The following GPSM2 variants were observed in gnomAD, a reference collection of about 807,000 sequenced individuals.
The protein encoded by GPSM2 is G protein-signaling modulator 2.
Under a neutral mutation model 78.4 loss-of-function variants are expected in GPSM2, and 58 were observed. That is an observed-to-expected ratio of 0.74 (90% CI 0.60 to 0.92). The LOEUF is 0.92. GPSM2 is among the 40% of genes least tolerant of loss of function. The pLI is 0.00. For missense variants in GPSM2, 700 were observed against 815.5 expected (o/e 0.86, Z 1.73); for synonymous variants, 224 against 280.2 (o/e 0.80, Z 2.00).
chr1:108,931,647 C>G lies in GPSM2; in HGVS notation c.*1707C>G, dbSNP rs1009561960. The G allele has an allele frequency of 2.4e-6, 2 of 830,104 alleles. No homozygotes were observed. The highest frequency in any genetic ancestry group is 3.4e-5 in the Admixed American group (1 of 29,110). 51.4% of individuals were successfully genotyped at this position (830,104 alleles called of 1,614,324 possible). On this transcript the variant is annotated 3_prime_UTR_variant, in exon 15 of 15. Coordinates refer to ENST00000264126, the MANE Select transcript of GPSM2 (RefSeq NM_013296.5). ...CTCAGCTAAAAAAAAAAAAAAAGTT[C>G]TAAATTACAACCTGGATTACATTAT...
chr1:108,902,780 A>C (rs563897383), intron 8 of GPSM2, among the ~76,000 whole-genome samples: 1 of 152,316 alleles, frequency 6.6e-6, no homozygotes, highest in African/African-American at 2.4e-5. Flanking sequence ...CTGCTGCTCA[A>C]ACACACACTG....
At chr1:108,909,936 G>C (rs897171737) in intron 10 of GPSM2, 12 of 145,232 alleles carry the variant, frequency 8.3e-5, no homozygotes, top group Non-Finnish European at 1.8e-4. Context: ...AAGGAAAAAG[G>C]CTGAAAGCTT....
chr1:108,912,838 A>T (rs1427797131), intron 10 of GPSM2, among the ~76,000 whole-genome samples: 3 of 128,392 alleles, frequency 2.3e-5, no homozygotes, highest in Non-Finnish European at 4.7e-5. Context: ...TGAGGTCAGG[A>T]GTTCGAGACC....
rs530003134 is a variant in GPSM2, at chr1:108,898,167, T to C, written c.557+66T>C. 13 of 1,470,564 alleles carry C rather than the reference T, an allele frequency of 8.8e-6. No individual in the cohort carries two copies. In the African/African-American group the frequency reaches 1.7e-4, roughly 19 times the overall value. 91.1% of individuals were successfully genotyped at this position (1,470,564 alleles called of 1,614,324 possible). A position where few individuals can be genotyped will look rare whatever the true frequency, so the allele number is the denominator to read the frequency against. ...AAGCCGTGGATCTGCTGTACGTTCT[T>C]TATTCAGTAGTAAGTTTTTAAGTTT... On this transcript the variant is annotated intron_variant, in intron 5 of 14. Coordinates refer to ENST00000264126, the MANE Select transcript of GPSM2 (RefSeq NM_013296.5).
rs373516988 is a variant in GPSM2 at position 108,885,591 on chromosome 1, C to T, written c.56+13C>T. 4.4e-5 allele frequency: 65 copies of T among 1,474,178 alleles called. No homozygotes were observed. The African/African-American group carries it at 7.7e-4, about 18-fold the overall frequency. 91.3% of individuals were successfully genotyped at this position (1,474,178 alleles called of 1,614,324 possible). ...ATGTTCGTTACAGGTAAGACTATTG[C>T]TGTCTTAATGGATGACTTTTAATCC... On this transcript the variant is annotated intron_variant, in intron 2 of 14. Coordinates refer to ENST00000264126, the MANE Select transcript of GPSM2 (RefSeq NM_013296.5).
chr1:108,877,761 TTGC>T (rs1254203326), intron 1 of GPSM2: 2 of 152,068 alleles, frequency 1.3e-5, no homozygotes, highest in Admixed American at 1.3e-4. Context: ...AAATTGGTAG[TTGC>T]TGCAAAAAGA....
intron 2 of GPSM2, among the ~76,000 whole-genome samples, chr1:108,893,315 C>T (rs150059045): frequency 7.8e-4 from 119 of 152,294 alleles, no homozygotes; most frequent in African/African-American, 2.5e-3. Flanking sequence ...CCTAATTTCC[C>T]GGCCAGCAAC....
At chr1:108,925,239 T>C (rs116717668) in intron 14 of GPSM2, among the ~76,000 whole-genome samples, 1,973 of 152,222 alleles carry the variant, frequency 0.013, 37 homozygotes, top group African/African-American at 0.042. Context: ...TTTAGACATG[T>C]TAAATTTGGT....
Position 108,897,032 on chromosome 1 carries a change from G to T in GPSM2, c.225G>T (p.Leu75Phe). 1 of 1,613,640 alleles carries T rather than the reference G, an allele frequency of 6.2e-7. No homozygotes were observed. The highest frequency in any genetic ancestry group is 8.5e-7 in the Non-Finnish European group (1 of 1,179,672). The change falls in exon 3 of 15, where the codon TTG becomes TTT. Residue 75 changes from leucine to phenylalanine, a missense_variant. By Grantham distance (22) the Leu-to-Phe change is conservative. Transcript: ENST00000264126. The part of the protein sequence containing the change: ...YSQLGNAYFY[L>F]HDYAKALEYH... ...AGTTGGGCAATGCTTATTTCTATTTGCATGATTATGCCAAAGCATTAGAAT... is the reference window on the plus strand; with the variant it reads ...AGTTGGGCAATGCTTATTTCTATTTTCATGATTATGCCAAAGCATTAGAAT...
chr1:108,929,239 C>G (rs1289046269), intron 14 of GPSM2, among the ~76,000 whole-genome samples: 1 of 152,110 alleles, frequency 6.6e-6, no homozygotes, highest in East Asian at 1.9e-4. Context: ...CACTGGGTTA[C>G]AGTTTGCTGT....
At chr1:108,921,930 A>T (rs1424673729) in intron 12 of GPSM2, among the ~76,000 whole-genome samples, 1 of 152,178 alleles carries the variant, frequency 6.6e-6, no homozygotes, top group Non-Finnish European at 1.5e-5. Context: ...CAAATGAAGT[A>T]TAAATATAGT....
At chr1:108,914,973 G>A (rs1650067209) in intron 11 of GPSM2, among the ~76,000 whole-genome samples, 1 of 151,996 alleles carries the variant, frequency 6.6e-6, no homozygotes, top group Non-Finnish European at 1.5e-5. Context: ...GCAGGAGAGG[G>A]GTGCACAGTA....
At chr1:108,914,543 G>C (rs994487817) in intron 11 of GPSM2, 135 bp downstream of exon 11, 7 of 663,432 alleles carry the variant, frequency 1.1e-5, no homozygotes, top group Non-Finnish European at 1.8e-5. Flanking sequence ...TAAAAAAAAA[G>C]TCAGAAAAAG....
At chr1:108,897,389 G>C in intron 3 of GPSM2, 103 bp from the exon 4 acceptor site, 1 of 1,154,264 alleles carries the variant, frequency 8.7e-7, no homozygotes, top group Non-Finnish European at 1.2e-6. Flanking sequence ...AAGCATGTCA[G>C]TTTGTCCTCT....
chr1:108,888,234 T>G (rs1451872159), intron 2 of GPSM2, among the ~76,000 whole-genome samples: 1 of 151,958 alleles, frequency 6.6e-6, no homozygotes, highest in East Asian at 1.9e-4. Flanking sequence ...ATATTTTTAG[T>G]AGAGATGGGG....
intron 2 of GPSM2, among the ~76,000 whole-genome samples, chr1:108,887,515 G>A (rs1052386529): frequency 9.9e-5 from 15 of 152,094 alleles, no homozygotes; most frequent in African/African-American, 2.4e-4. Context: ...TCACACCTTC[G>A]ATTCCCCAAA....
chr1:108,934,234 G>A lies in GPSM2; in HGVS notation c.*4294G>A, dbSNP rs766019722. ...ACTGATCCTGGTAACGATACTCCAT[G>A]GCTGCATGAAGATGCTGGAGGCATC... On this transcript the variant is annotated 3_prime_UTR_variant, in exon 15 of 15. Transcript: ENST00000264126. 15 of 165,182 alleles carry A rather than the reference G, an allele frequency of 9.1e-5. No homozygotes were observed. The highest frequency in any genetic ancestry group is 1.9e-4 in the Non-Finnish European group (14 of 75,480). The allele number at this position is 165,182 out of a possible 1,614,324, so 10.2% of individuals were successfully genotyped here.
At chr1:108,905,327 C>A (rs1470487151) in intron 10 of GPSM2, among the ~76,000 whole-genome samples, 4 of 152,164 alleles carry the variant, frequency 2.6e-5, no homozygotes, top group African/African-American at 9.7e-5. Context: ...TATAACAAAA[C>A]CTGAAAAGAC....
intron 1 of GPSM2, among the ~76,000 whole-genome samples, chr1:108,879,061 A>G (rs1162063895): frequency 6.6e-6 from 1 of 152,252 alleles, no homozygotes; most frequent in Non-Finnish European, 1.5e-5. Flanking sequence ...CTTCGCAGAA[A>G]TATTTCAATC....
Sources: allele counts gnomAD v4.1 joint callset (sites outside exome capture counted in the v4.1 genomes callset), GRCh38; gene constraint gnomAD v4.1.1; transcripts MANE v1.5; gene names NCBI Gene and HGNC (gene_info 2026-07-23, HGNC 2026-07-21).